HMGXB3: variants seen among roughly 807,000 people sequenced by gnomAD.
HMGXB3 encodes the protein HMG-box containing 3.
Under a neutral mutation model 121.5 loss-of-function variants are expected in HMGXB3, and 45 were observed. The ratio of observed to expected loss-of-function variants is 0.37; its 90% confidence interval spans 0.29 to 0.47. The LOEUF is 0.47. Among genes scored for constraint, HMGXB3 ranks in the 20% least tolerant of loss-of-function variants. The probability of loss-of-function intolerance (pLI) is 0.99; values close to 1 mark genes in which losing one functional copy is unlikely to be tolerated. For synonymous variants in HMGXB3, 590 were observed against 624.1 expected (o/e 0.95, Z 0.81); for missense variants, 1,376 against 1,602.2 (o/e 0.86, Z 2.41).
intron 14 of HMGXB3, among the ~76,000 whole-genome samples, 191 bp from the exon 15 acceptor site, chr5:150,041,594 A>T (rs1454944660): frequency 6.6e-6 from 1 of 152,244 alleles, no homozygotes; most frequent in Admixed American, 6.5e-5. Context: ...CTCCAGTGGG[A>T]ATTGCTCTTT....
chr5:150,036,334 T>C (rs1254634957), intron 11 of HMGXB3, among the ~76,000 whole-genome samples: 1 of 152,188 alleles, frequency 6.6e-6, no homozygotes. Context: ...AATCCAGTGA[T>C]TCAAAATCTG....
At chr5:150,017,946 C>T (rs1051378133) in intron 5 of HMGXB3, among the ~76,000 whole-genome samples, 7 of 151,768 alleles carry the variant, frequency 4.6e-5, no homozygotes, top group Admixed American at 2.0e-4. Flanking sequence ...CAAATAACTA[C>T]ATTCTGTTGA....
At chr5:150,011,454 C>T (rs1755835489) in intron 4 of HMGXB3, among the ~76,000 whole-genome samples, 1 of 152,202 alleles carries the variant, frequency 6.6e-6, no homozygotes, top group South Asian at 2.1e-4. Flanking sequence ...AGAGGACCAG[C>T]TTGCTGTAGC....
intron 9 of HMGXB3, among the ~76,000 whole-genome samples, 178 bp downstream of exon 9, chr5:150,027,295 A>G (rs1340256349): frequency 1.3e-5 from 2 of 152,272 alleles, no homozygotes; most frequent in Non-Finnish European, 2.9e-5. Context: ...AAGTGAATAC[A>G]TGTTTTTAAA....
At chr5:150,015,020 T>C in intron 5 of HMGXB3, 1 of 561,414 alleles carries the variant, frequency 1.8e-6, no homozygotes, top group Non-Finnish European at 2.9e-6. Flanking sequence ...CCACCAATGA[T>C]TGCCCCTTTT....
intron 1 of HMGXB3, among the ~76,000 whole-genome samples, chr5:150,004,184 A>G (rs997024172): frequency 4.6e-5 from 7 of 152,090 alleles, no homozygotes; most frequent in African/African-American, 1.4e-4. Context: ...AATTATTTTT[A>G]AATAGAGTTG....
chr5:150,041,731 G>A (rs1756638326), intron 14 of HMGXB3, 54 bp from the exon 15 acceptor site: 1 of 1,388,720 alleles, frequency 7.2e-7, no homozygotes, highest in Non-Finnish European at 9.9e-7. Flanking sequence ...CTCATCCCTA[G>A]TGGCTTCAGT....
intron 19 of HMGXB3, among the ~76,000 whole-genome samples, chr5:150,051,161 C>T (rs981874354): frequency 6.6e-6 from 1 of 152,240 alleles, no homozygotes; most frequent in African/African-American, 2.4e-5. Context: ...GAGCCCTTGT[C>T]TCTGTGTCTT....
rs1202039950 is a variant in HMGXB3, at chr5:150,037,734, A to G, written c.2413+207A>G. Among the ~76,000 whole-genome samples, 3 of 152,222 alleles carry G rather than the reference A, an allele frequency of 2.0e-5. No individual in the cohort carries two copies. In the East Asian group the frequency reaches 5.8e-4, roughly 29 times the overall value. On this transcript the variant is annotated intron_variant, in intron 13 of 19. Coordinates refer to ENST00000502717, the MANE Select transcript of HMGXB3 (RefSeq NM_014983.3). ...GCTCTCAACTGGGATCTTTAAAATAACAGATCTTCATTGTGGAAGGGCTGG... is the reference window on the plus strand; with the variant it reads ...GCTCTCAACTGGGATCTTTAAAATAGCAGATCTTCATTGTGGAAGGGCTGG...
intron 10 of HMGXB3, among the ~76,000 whole-genome samples, chr5:150,031,186 G>A (rs1756367523): frequency 6.6e-6 from 1 of 152,174 alleles, no homozygotes; most frequent in Non-Finnish European, 1.5e-5. Flanking sequence ...GTTACATTTA[G>A]GCAACGTTGC....
At chr5:150,017,839 T>G (rs994510436) in intron 5 of HMGXB3, among the ~76,000 whole-genome samples, 3 of 152,362 alleles carry the variant, frequency 2.0e-5, no homozygotes, top group East Asian at 1.9e-4. Context: ...GAGTCGTTTT[T>G]ATTTGTAGCT....
intron 10 of HMGXB3, 104 bp from the exon 11 acceptor site, chr5:150,032,350 C>T: frequency 1.9e-6 from 2 of 1,066,480 alleles, no homozygotes; most frequent in Non-Finnish European, 2.7e-6. Context: ...TTTGCAGTTG[C>T]CACTCTCTTC....
At chr5:150,049,836 A>C (rs1756848674) in intron 18 of HMGXB3, among the ~76,000 whole-genome samples, 1 of 152,226 alleles carries the variant, frequency 6.6e-6, no homozygotes, top group South Asian at 2.1e-4. Flanking sequence ...CTTGCTCAAA[A>C]TACAGATGCT....
chr5:150,024,178 T>C, intron 6 of HMGXB3, 84 bp from the exon 7 acceptor site: 1 of 1,098,146 alleles, frequency 9.1e-7, no homozygotes, highest in Admixed American at 3.0e-5. Flanking sequence ...TTATTGCCCA[T>C]ATGTTATTAA....
chr5:150,048,725 A>G lies in HMGXB3; in HGVS notation c.3201+40A>G, dbSNP rs1282572586. On this transcript the variant is annotated intron_variant, in intron 18 of 19. Transcript: ENST00000502717. ...AGGGGGAGCTTGGAGTGAATTTGCTAATGTTGAACTTCCCATACAGGGACT... is the reference window on the plus strand; with the variant it reads ...AGGGGGAGCTTGGAGTGAATTTGCTGATGTTGAACTTCCCATACAGGGACT... 24 of 1,372,556 alleles carry G rather than the reference A, an allele frequency of 1.7e-5. No individual in the cohort carries two copies. The East Asian group carries it at 6.0e-4, about 34-fold the overall frequency. 85.0% of individuals were successfully genotyped at this position (1,372,556 alleles called of 1,614,324 possible).
chr5:150,049,694 G>A (rs1188897107), intron 18 of HMGXB3, among the ~76,000 whole-genome samples: 1 of 152,168 alleles, frequency 6.6e-6, no homozygotes, highest in East Asian at 1.9e-4. Flanking sequence ...GGCATCACTT[G>A]GAGGTGACAG....
In HMGXB3 at chr5:150,036,678, C is replaced by A. The variant is rs1440576610; in HGVS notation, c.2026C>A (p.Pro676Thr). The change falls in exon 12 of 20, where the codon CCC becomes ACC. Residue 676 changes from proline to threonine, a missense_variant. Physicochemically the swap from Pro to Thr is conservative, Grantham distance 38 (BLOSUM62 -1). This residue lies in a region of HMGXB3 where 1,116 missense variants were observed against 1,369.0 expected (regional missense o/e 0.82). Transcript: ENST00000502717. ...PLPDVLNATEPLSTAQREIQR... is the reference protein window; with the variant it reads ...PLPDVLNATETLSTAQREIQR... ...CCCAGATGTACTGAATGCCACAGAG[C>A]CCCTGAGCACAGCCCAGAGGGAGAT... 2 of 1,550,558 alleles carry A rather than the reference C, an allele frequency of 1.3e-6. No homozygotes were observed. Among genetic ancestry groups the A allele is most frequent in the Non-Finnish European group, 1.7e-6 (2 of 1,146,860 alleles).
At chr5:150,025,607 A>G (rs1445114969) in intron 7 of HMGXB3, among the ~76,000 whole-genome samples, 2 of 150,460 alleles carry the variant, frequency 1.3e-5, no homozygotes, top group Non-Finnish European at 2.9e-5. Flanking sequence ...TCTCTTTGTC[A>G]TTCAGTCTGG....
At position 150,006,506 on chromosome 5, in the gene HMGXB3, C is replaced by T; in HGVS notation, c.171C>T (p.Tyr57=). The change falls in exon 3 of 20, where the codon TAC becomes TAT. Residue 57 remains tyrosine (Y), a synonymous_variant. Coordinates refer to ENST00000502717, the MANE Select transcript of HMGXB3 (RefSeq NM_014983.3). ...ACCTTCTGTACTATTACGACATCTA[C>T]CTGAAAGTGCAGCAGGAGCTCCCCC... ...SAYLLYYYDI[Y]LKVQQELPHL... 4 of 1,551,778 alleles carry T rather than the reference C, an allele frequency of 2.6e-6. No individual in the cohort carries two copies. Among genetic ancestry groups the T allele is most frequent in the Non-Finnish European group, 3.5e-6 (4 of 1,146,992 alleles).
Sources: allele counts gnomAD v4.1 joint callset (sites outside exome capture counted in the v4.1 genomes callset), GRCh38; gene constraint gnomAD v4.1.1; regional missense constraint gnomAD v4.1.1; transcripts MANE v1.5; gene names NCBI Gene and HGNC (gene_info 2026-07-23, HGNC 2026-07-21).